Variants in SRSF4 observed in about 807,000 individuals in gnomAD.
The protein encoded by SRSF4 is serine/arginine-rich splicing factor 4.
In SRSF4, 12 loss-of-function variants were observed where a neutral mutation model predicts 48.8. That is an observed-to-expected ratio of 0.25 (90% CI 0.16 to 0.40). The LOEUF (loss-of-function observed/expected upper bound fraction) is 0.40. Among genes scored for constraint, SRSF4 ranks in the 10% least tolerant of loss-of-function variants. The pLI is 1.00. For missense variants in SRSF4, 466 were observed against 667.1 expected (o/e 0.70, Z 3.32); for synonymous variants, 248 against 232.5 (o/e 1.07, Z -0.61).
intron 4 of SRSF4, among the ~76,000 whole-genome samples, chr1:29,152,073 T>C (rs1672419169): frequency 6.6e-6 from 1 of 151,470 alleles, no homozygotes; most frequent in African/African-American, 2.4e-5. Context: ...AACCCAGGAG[T>C]TCAAGACCAG....
At chr1:29,165,213 T>C (rs1436094476) in intron 1 of SRSF4, among the ~76,000 whole-genome samples, 1 of 152,206 alleles carries the variant, frequency 6.6e-6, no homozygotes, top group East Asian at 1.9e-4. Flanking sequence ...TTACCAAGTA[T>C]AGACAGGTAT....
At chr1:29,166,801 C>G (rs1250928256) in intron 1 of SRSF4, 3 of 152,218 alleles carry the variant, frequency 2.0e-5, no homozygotes. Flanking sequence ...ACTCTTTTCA[C>G]GTCGGCAAAC....
At chr1:29,151,458 C>T (rs544708465) in intron 4 of SRSF4, among the ~76,000 whole-genome samples, 4 of 152,180 alleles carry the variant, frequency 2.6e-5, no homozygotes, top group Non-Finnish European at 5.9e-5. Flanking sequence ...GATGGTGCCA[C>T]TGCACTCCAG....
rs1281438031 is a variant in SRSF4, at chr1:29,148,083, T to C, written c.*327A>G. The C allele has an allele frequency of 5.8e-6, 3 of 517,034 alleles. No individual in the cohort carries two copies. Among genetic ancestry groups the C allele is most frequent in the African/African-American group, 3.8e-5 (2 of 52,488 alleles). The allele number at this position is 517,034 out of a possible 1,614,324, so 32.0% of individuals were successfully genotyped here. A position where few individuals can be genotyped will look rare whatever the true frequency, so the allele number is the denominator to read the frequency against. Reference sequence around the variant, plus strand: ...TGGTTGAACTCACCATACCTACCTATGTGGTCATTCCAGCCTTAGAGCCGT... The same window carrying C: ...TGGTTGAACTCACCATACCTACCTACGTGGTCATTCCAGCCTTAGAGCCGT... On this transcript the variant is annotated 3_prime_UTR_variant, in exon 6 of 6. Transcript: ENST00000373795.
chr1:29,164,448 T>C (rs557853361), intron 1 of SRSF4, among the ~76,000 whole-genome samples: 1 of 152,362 alleles, frequency 6.6e-6, no homozygotes, highest in African/African-American at 2.4e-5. Flanking sequence ...AGCAATCTCC[T>C]TTTGAATCCT....
At position 29,149,202 on chromosome 1, in the gene SRSF4, C is replaced by T. The variant is rs1558385773; in HGVS notation, c.693G>A (p.Lys231=). 9.3e-6 allele frequency: 15 copies of T among 1,609,296 alleles called. No homozygotes were observed. Among genetic ancestry groups the T allele is most frequent in the Non-Finnish European group, 1.3e-5 (15 of 1,179,966 alleles). Residue 231 remains lysine, a synonymous_variant, in exon 6 of 6, where the codon AAG becomes AAA. Coordinates refer to ENST00000373795, the MANE Select transcript of SRSF4 (RefSeq NM_005626.5). ...TCCGACTCTGGCTCCGGCTCCGGCT[C>T]TTGCTCCGGGAGCGGGAGCCCGACC... ...RSRSGSRSRS[K]SRSRSQSRSR...
At chr1:29,157,751 A>C (rs1672522983) in intron 3 of SRSF4, among the ~76,000 whole-genome samples, 1 of 152,212 alleles carries the variant, frequency 6.6e-6, no homozygotes, top group Non-Finnish European at 1.5e-5. Context: ...ACTTGTTTAA[A>C]TATGGCCAAA....
intron 2 of SRSF4, 37 bp from the exon 3 acceptor site, chr1:29,159,523 G>T: frequency 6.7e-7 from 1 of 1,496,020 alleles, no homozygotes; most frequent in South Asian, 1.2e-5. Context: ...TATTTCAGTG[G>T]AAGAAAAGGA....
At chr1:29,149,699 A>G (rs2151811394) in intron 5 of SRSF4, among the ~76,000 whole-genome samples, 1 of 135,532 alleles carries the variant, frequency 7.4e-6, no homozygotes, top group South Asian at 2.4e-4. Context: ...AAAAAAAAAA[A>G]AAAAAAGAAA....
chr1:29,159,294 C>T, intron 3 of SRSF4, 80 bp downstream of exon 3: 1 of 897,972 alleles, frequency 1.1e-6, no homozygotes, highest in Non-Finnish European at 1.8e-6. Flanking sequence ...TTTGTGTATG[C>T]CTGGGCCTGC....
At chr1:29,153,840 A>G (rs1672454753) in intron 4 of SRSF4, among the ~76,000 whole-genome samples, 1 of 151,932 alleles carries the variant, frequency 6.6e-6, no homozygotes, top group Non-Finnish European at 1.5e-5. Flanking sequence ...ACCTCAGGTG[A>G]TCTGCCCGCC....
At chr1:29,175,535 A>C (rs2151826316) in intron 1 of SRSF4, among the ~76,000 whole-genome samples, 1 of 150,430 alleles carries the variant, frequency 6.6e-6, no homozygotes, top group Non-Finnish European at 1.5e-5. Flanking sequence ...CTCTACTAAA[A>C]ATACAAAAAA....
intron 5 of SRSF4, among the ~76,000 whole-genome samples, chr1:29,149,605 C>T (rs375795109): frequency 3.0e-4 from 45 of 151,008 alleles, no homozygotes; most frequent in Non-Finnish European, 2.8e-4. Flanking sequence ...CGCTTGAACC[C>T]GTGAGGCAGA....
chr1:29,155,574 C>T (rs1481614796), intron 3 of SRSF4, among the ~76,000 whole-genome samples: 2 of 152,180 alleles, frequency 1.3e-5, no homozygotes, highest in East Asian at 3.9e-4. Flanking sequence ...CTCACTGCAA[C>T]CTCTGCCTCC....
chr1:29,161,529 A>G (rs918385980), intron 1 of SRSF4, among the ~76,000 whole-genome samples: 1 of 152,262 alleles, frequency 6.6e-6, no homozygotes, highest in East Asian at 1.9e-4. Flanking sequence ...CTGACACTAC[A>G]AACAAGTTAC....
At chr1:29,162,460 A>G (rs1266036939) in intron 1 of SRSF4, among the ~76,000 whole-genome samples, 1 of 152,218 alleles carries the variant, frequency 6.6e-6, no homozygotes, top group African/African-American at 2.4e-5. Flanking sequence ...TAAGGCAAAT[A>G]AAAAACCAAC....
intron 1 of SRSF4, among the ~76,000 whole-genome samples, chr1:29,175,713 A>G (rs1295267976): frequency 1.4e-5 from 2 of 148,030 alleles, no homozygotes; most frequent in Non-Finnish European, 3.0e-5. Flanking sequence ...AAAAAAAAAA[A>G]AAAAAAAAAA....
chr1:29,180,704 C>T (rs1362723436), intron 1 of SRSF4, among the ~76,000 whole-genome samples: 1 of 152,228 alleles, frequency 6.6e-6, no homozygotes, highest in Non-Finnish European at 1.5e-5. Context: ...CCAAGCCCTA[C>T]CTAACATCTG....
At chr1:29,152,057 C>G (rs561545807) in intron 4 of SRSF4, among the ~76,000 whole-genome samples, 1 of 152,052 alleles carries the variant, frequency 6.6e-6, no homozygotes, top group African/African-American at 2.4e-5. Flanking sequence ...GTGGGAGGAC[C>G]GCTTGAACCC....
Sources: allele counts gnomAD v4.1 joint callset (sites outside exome capture counted in the v4.1 genomes callset), GRCh38; gene constraint gnomAD v4.1.1; transcripts MANE v1.5; gene names NCBI Gene and HGNC (gene_info 2026-07-23, HGNC 2026-07-21).